The following LRRC57 variants were observed in gnomAD, a reference collection of about 807,000 sequenced individuals.
LRRC57 encodes leucine rich repeat containing 57, also known as leucine-rich repeat-containing protein 57.
Under a neutral mutation model 23.1 loss-of-function variants are expected in LRRC57, and 14 were observed. That is an observed-to-expected ratio of 0.61 (90% CI 0.40 to 0.95). LRRC57 has a LOEUF of 0.95. Ranked by LOEUF, LRRC57 falls within the 40% of genes least tolerant of loss-of-function variation. The pLI is 0.00. For synonymous variants in LRRC57, 106 were observed against 115.2 expected, an observed-to-expected ratio of 0.92 and a Z score of 0.51; for missense variants, 236 against 284.4, an observed-to-expected ratio of 0.83 and a Z score of 1.22.
chr15:42,531,717 T>G, the LRRC57 span: 2 of 362,072 alleles, frequency 5.5e-6, no homozygotes, highest in Non-Finnish European at 9.9e-6. Flanking sequence ...GGTTTTCATA[T>G]GTCATGTTTA....
At chr15:42,533,541 C>T (rs528339209), downstream of LRRC57, among the ~76,000 whole-genome samples, 92 of 152,262 alleles carry the variant, frequency 6.0e-4, 1 homozygote, top group Non-Finnish European at 5.9e-5. Flanking sequence ...ACCTAAATGC[C>T]TTTCCTAAAA....
chr15:42,544,133 C>T lies in LRRC57; in HGVS notation c.679-9G>A. 1 of 1,608,712 alleles carries T rather than the reference C, an allele frequency of 6.2e-7. No individual in the cohort carries two copies. Reference sequence around the variant, plus strand: ...GTGAACCTCTCCATGTACTAAAAAACATGAAAGAATACATAAGGGGTATTT... The same window carrying T: ...GTGAACCTCTCCATGTACTAAAAAATATGAAAGAATACATAAGGGGTATTT... On this transcript the variant is annotated splice_polypyrimidine_tract_variant and intron_variant, in intron 5 of 5. Coordinates refer to ENST00000397130, the MANE Select transcript of LRRC57 (RefSeq NM_153260.3).
At chr15:42,531,342 C>G in the LRRC57 span, 2 of 1,046,102 alleles carry the variant, frequency 1.9e-6, no homozygotes, top group East Asian at 5.5e-5. Context: ...GTCAGTTACT[C>G]CAAGTGTAAA....
intron 1 of LRRC57, 93 bp downstream of exon 1, chr15:42,548,600 A>G: frequency 1.5e-6 from 1 of 683,756 alleles, no homozygotes; most frequent in East Asian, 2.7e-5. Context: ...GGAAGAACAC[A>G]CAGCCCGACC....
intron 3 of LRRC57, 160 bp from the exon 4 acceptor site, chr15:42,547,689 CT>C: frequency 1.5e-6 from 1 of 678,410 alleles, no homozygotes; most frequent in Non-Finnish European, 2.4e-6. Context: ...CCAACATAGT[CT>C]TTAGAAGGTG....
intron 3 of LRRC57, chr15:42,547,753 G>C: frequency 1.8e-6 from 1 of 555,972 alleles, no homozygotes; most frequent in Non-Finnish European, 3.1e-6. Flanking sequence ...GGCTCCTTTT[G>C]TAAAGGGGCC....
intron 4 of LRRC57, 104 bp downstream of exon 4, chr15:42,547,157 A>G: frequency 7.9e-7 from 1 of 1,271,350 alleles, no homozygotes; most frequent in East Asian, 2.3e-5. Flanking sequence ...AGCCTCTGAT[A>G]CTTAGCTCTA....
rs2057628075 is a variant in LRRC57, at chr15:42,541,291, G to A, written c.*2792C>T. The stretch of plus-strand genomic sequence containing the variant: ...GGCTGAGGTGGGTGGATCACCTGAA[G>A]CCAGGAGTTCAAGACCAGTCTGGCC... On this transcript the variant is annotated 3_prime_UTR_variant, in exon 6 of 6. Coordinates refer to ENST00000397130, the MANE Select transcript of LRRC57 (RefSeq NM_153260.3). The A allele has an allele frequency of 6.6e-6, 1 of 152,126 alleles. No homozygotes were observed. Among genetic ancestry groups the A allele is most frequent in the Non-Finnish European group, 1.5e-5 (1 of 68,038 alleles). The allele number at this position is 152,126 out of a possible 1,614,324, so 9.4% of individuals were successfully genotyped here.
At chr15:42,537,261 A>ACG (rs889364480), downstream of LRRC57, among the ~76,000 whole-genome samples, 89 of 148,172 alleles carry the variant, frequency 6.0e-4, no homozygotes, top group African/African-American at 2.1e-3. Context: ...ACACACACAC[A>ACG]CACGCACGCA....
At chr15:42,536,782 C>T (rs1238879736), downstream of LRRC57, among the ~76,000 whole-genome samples, 1 of 152,178 alleles carries the variant, frequency 6.6e-6, no homozygotes, top group African/African-American at 2.4e-5. Flanking sequence ...AGTCTGACCA[C>T]CTGGGATCAA....
At position 42,538,265 on chromosome 15, in the gene LRRC57, T is replaced by C. The variant is rs1482586452; in HGVS notation, c.*5818A>G. On this transcript the variant is annotated 3_prime_UTR_variant, in exon 6 of 6. Transcript: ENST00000397130. ...AGGTCACTCTTACCAAAACTTCAGG[T>C]TATCCCAATTACATTCCTAATCAGA... The C allele has an allele frequency of 6.6e-6, 1 of 152,214 alleles. No individual in the cohort carries two copies. Among genetic ancestry groups the C allele is most frequent in the Non-Finnish European group, 1.5e-5 (1 of 68,036 alleles). The allele number at this position is 152,214 out of a possible 1,614,324, so 9.4% of individuals were successfully genotyped here. A position where few individuals can be genotyped will look rare whatever the true frequency, so the allele number is the denominator to read the frequency against.
chr15:42,544,040 T>C lies in LRRC57; in HGVS notation c.*43A>G. 2 of 1,582,196 alleles carry C rather than the reference T, an allele frequency of 1.3e-6. No individual in the cohort carries two copies. The highest frequency in any genetic ancestry group is 1.7e-6 in the Non-Finnish European group (2 of 1,154,364). On this transcript the variant is annotated 3_prime_UTR_variant, in exon 6 of 6. Coordinates refer to ENST00000397130, the MANE Select transcript of LRRC57 (RefSeq NM_153260.3). Reference sequence around the variant, plus strand: ...GACTCAGCCACATTCCAACAGAGGTTCTAAGTCAGTATCCTGTAAGGTTTC... The same window carrying C: ...GACTCAGCCACATTCCAACAGAGGTCCTAAGTCAGTATCCTGTAAGGTTTC...
Position 42,546,094 on chromosome 15 carries a change from T to C in LRRC57, c.493-832A>G, listed in dbSNP as rs150407346. 9.2e-5 allele frequency among the ~76,000 whole-genome samples: 14 copies of C among 152,328 alleles called. No individual in the cohort carries two copies. The East Asian group carries it at 2.7e-3, about 29-fold the overall frequency. On this transcript the variant is annotated intron_variant, in intron 4 of 5. Coordinates refer to ENST00000397130, the MANE Select transcript of LRRC57 (RefSeq NM_153260.3). ...AGCAATTGTCTTTGACTCACCCCTT[T>C]TGCCATTTAAATACTAAAAGTCACC...
the LRRC57 span, chr15:42,529,599 AC>A: frequency 1.3e-6 from 2 of 1,496,870 alleles, no homozygotes; most frequent in Non-Finnish European, 1.8e-6. Context: ...TTGGTTACTT[AC>A]TTTTGTGAAA....
chr15:42,536,435 A>C (rs929814787), downstream of LRRC57, among the ~76,000 whole-genome samples: 7 of 152,240 alleles, frequency 4.6e-5, no homozygotes, highest in African/African-American at 1.7e-4. Flanking sequence ...AATAGCTGCT[A>C]TTCTCTCTAA....
downstream of LRRC57, among the ~76,000 whole-genome samples, chr15:42,536,573 C>G (rs2057601567): frequency 6.6e-6 from 1 of 152,150 alleles, no homozygotes; most frequent in Non-Finnish European, 1.5e-5. Context: ...GTCTTGAAAG[C>G]CCGTCCATGG....
At chr15:42,528,357 C>A in the LRRC57 span, 1 of 1,614,046 alleles carries the variant, frequency 6.2e-7, no homozygotes, top group South Asian at 1.1e-5. Context: ...CAGCCAGGCC[C>A]GGTGACAAAT....
downstream of LRRC57, among the ~76,000 whole-genome samples, chr15:42,535,468 CAG>C (rs1032023297): frequency 1.4e-5 from 2 of 146,270 alleles, no homozygotes; most frequent in African/African-American, 2.6e-5. Flanking sequence ...TTTTTTGAGA[CAG>C]AGTCTTGCTC....
In LRRC57 at chr15:42,543,974, T is replaced by C; in HGVS notation, c.*109A>G. 1 of 725,062 alleles carries C rather than the reference T, an allele frequency of 1.4e-6. No homozygotes were observed. Among genetic ancestry groups the C allele is most frequent in the East Asian group, 2.5e-5 (1 of 39,982 alleles). 44.9% of individuals were successfully genotyped at this position (725,062 alleles called of 1,614,324 possible). On this transcript the variant is annotated 3_prime_UTR_variant, in exon 6 of 6. Coordinates refer to ENST00000397130, the MANE Select transcript of LRRC57 (RefSeq NM_153260.3). ...TGAAATATAATCTCCTGAAGTATCA[T>C]CTCCTTACTGTAGATACCCCTAACA... is the stretch of plus-strand genomic sequence containing the variant.
Sources: gnomAD v4.1 joint callset for allele counts (sites outside exome capture counted in the v4.1 genomes callset) on GRCh38, gnomAD v4.1.1 for gene constraint, MANE v1.5 for transcripts, NCBI Gene and HGNC (gene_info 2026-07-23, HGNC 2026-07-21) for gene names.